Variants in CA10 observed in about 807,000 individuals in gnomAD.
CA10 encodes carbonic anhydrase-related protein 10.
CA10 carries 14 observed loss-of-function variants against 44.2 expected under a neutral mutation model. The observed-to-expected ratio is 0.32, with a 90% CI of 0.21 to 0.50. The LOEUF (loss-of-function observed/expected upper bound fraction) is 0.50, where lower values mean the gene tolerates loss of function less well. Among genes scored for constraint, CA10 ranks in the 20% least tolerant of loss-of-function variants. CA10 has a pLI of 0.99. For missense variants in CA10, 350 were observed against 409.7 expected (o/e 0.85, Z 1.26); for synonymous variants, 159 against 141.6 (o/e 1.12, Z -0.87).
intron 2 of CA10, among the ~76,000 whole-genome samples, chr17:52,052,297 TTTAAAA>T (rs1987097536): frequency 1.8e-4 from 2 of 10,866 alleles, no homozygotes; most frequent in Admixed American, 1.7e-3. Flanking sequence ...GGCTTTTTTT[TTTAAAA>T]AAAAAAAAAA....
chr17:51,927,336 G>A (rs1454889428), intron 3 of CA10, among the ~76,000 whole-genome samples: 1 of 152,126 alleles, frequency 6.6e-6, no homozygotes, highest in African/African-American at 2.4e-5. Flanking sequence ...ACGGAACTGA[G>A]TTTTGGTTAA....
chr17:51,705,803 C>T (rs368486193), intron 4 of CA10, among the ~76,000 whole-genome samples: 14 of 151,916 alleles, frequency 9.2e-5, no homozygotes, highest in African/African-American at 1.2e-4. Flanking sequence ...GAGCTGCTGA[C>T]GGAGGGTAGA....
rs931128658 is a variant in CA10, at chr17:51,886,228, T to C, written c.279+44762A>G. 3.9e-5 allele frequency among the ~76,000 whole-genome samples: 6 copies of C among 152,236 alleles called. No homozygotes were observed. In the East Asian group the frequency reaches 1.2e-3, roughly 29 times the overall value. On this transcript the variant is annotated intron_variant, in intron 3 of 8. Coordinates refer to ENST00000451037, the MANE Select transcript of CA10 (RefSeq NM_020178.5). ...TGAGCATTGTGGGTGAATGTGGCAG[T>C]GTAGTCTTAGATATAGATGAGAAGG...
intron 3 of CA10, among the ~76,000 whole-genome samples, chr17:51,908,374 T>C (rs2040218772): frequency 6.6e-6 from 1 of 152,200 alleles, no homozygotes; most frequent in Admixed American, 6.5e-5. Context: ...TGCATTTCCG[T>C]AGGCCTCTCT....
At chr17:51,998,634 A>C (rs747632514) in intron 2 of CA10, among the ~76,000 whole-genome samples, 2 of 151,960 alleles carry the variant, frequency 1.3e-5, no homozygotes, top group Non-Finnish European at 2.9e-5. Context: ...CAACTTATTT[A>C]TATTTATTTG....
At chr17:51,798,498 A>C (rs73354974) in intron 3 of CA10, among the ~76,000 whole-genome samples, 17,524 of 152,186 alleles carry the variant, frequency 0.12, 1,366 homozygotes, top group African/African-American at 0.23. Flanking sequence ...AACACACACA[A>C]AAAAAATACA....
intron 7 of CA10, among the ~76,000 whole-genome samples, chr17:51,633,896 C>A (rs114448422): frequency 6.6e-6 from 1 of 152,154 alleles, no homozygotes; most frequent in African/African-American, 2.4e-5. Context: ...AAGTCACTTG[C>A]GCTCTCTCAC....
chr17:51,814,796 T>A (rs1034648851), intron 3 of CA10, among the ~76,000 whole-genome samples: 4 of 152,202 alleles, frequency 2.6e-5, no homozygotes, highest in African/African-American at 9.7e-5. Flanking sequence ...GTTTCCTAGC[T>A]GTTTTTGCTC....
At chr17:51,697,620 C>T (rs1192603109) in intron 4 of CA10, among the ~76,000 whole-genome samples, 1 of 152,214 alleles carries the variant, frequency 6.6e-6, no homozygotes, top group Non-Finnish European at 1.5e-5. Flanking sequence ...TAATTAGTAT[C>T]TATCTCCAAC....
At chr17:51,930,571 G>GT (rs908323124) in intron 3 of CA10, among the ~76,000 whole-genome samples, 1 of 148,356 alleles carries the variant, frequency 6.7e-6, no homozygotes, top group African/African-American at 2.5e-5. Flanking sequence ...ATTTTTGTCT[G>GT]TTTTTTTCCT....
At chr17:51,669,287 G>C (rs551441394) in intron 4 of CA10, among the ~76,000 whole-genome samples, 1 of 152,300 alleles carries the variant, frequency 6.6e-6, no homozygotes, top group South Asian at 2.1e-4. Context: ...TCTAGCTTGG[G>C]GTTTGTGGAT....
At chr17:51,949,722 G>A (rs1292366271) in intron 2 of CA10, among the ~76,000 whole-genome samples, 1 of 152,144 alleles carries the variant, frequency 6.6e-6, no homozygotes, top group East Asian at 1.9e-4. Context: ...ATGTTGAGCA[G>A]GAACTACAGA....
At chr17:52,012,785 T>G (rs1188986298) in intron 2 of CA10, among the ~76,000 whole-genome samples, 1 of 151,508 alleles carries the variant, frequency 6.6e-6, no homozygotes, top group African/African-American at 2.4e-5. Flanking sequence ...TGGAGAATGA[T>G]AAGTTTGAAC....
chr17:52,103,588 T>C (rs1355198277), intron 1 of CA10, among the ~76,000 whole-genome samples: 1 of 152,152 alleles, frequency 6.6e-6, no homozygotes, highest in Non-Finnish European at 1.5e-5. Context: ...ACTCAACATT[T>C]GCTAGCTTCC....
chr17:51,797,850 CAAAAAAA>C (rs58344941), intron 3 of CA10, among the ~76,000 whole-genome samples: 5 of 73,772 alleles, frequency 6.8e-5, no homozygotes, highest in Non-Finnish European at 1.2e-4. Context: ...GGCTCCATCT[CAAAAAAA>C]AAAAAAAAAA....
At chr17:51,973,359 G>C (rs1848508673) in intron 2 of CA10, among the ~76,000 whole-genome samples, 1 of 152,186 alleles carries the variant, frequency 6.6e-6, no homozygotes, top group Admixed American at 6.5e-5. Context: ...TGAGGGGCAG[G>C]AATCTTTCAG....
chr17:51,942,326 C>T (rs971291841), intron 2 of CA10, among the ~76,000 whole-genome samples: 8 of 152,108 alleles, frequency 5.3e-5, no homozygotes, highest in Non-Finnish European at 7.4e-5. Flanking sequence ...AAAGATGGAA[C>T]GAAACCACAT....
chr17:51,916,430 A>T (rs1223241308), intron 3 of CA10, among the ~76,000 whole-genome samples: 1 of 152,200 alleles, frequency 6.6e-6, no homozygotes, highest in Non-Finnish European at 1.5e-5. Flanking sequence ...CCCATGTGTC[A>T]TGAGACGGAT....
intron 2 of CA10, among the ~76,000 whole-genome samples, chr17:51,965,461 A>T (rs149395347): frequency 7.2e-4 from 109 of 152,086 alleles, no homozygotes; most frequent in African/African-American, 2.4e-3. Flanking sequence ...AATCCTTAAC[A>T]AAATACTAGC....
Sources: allele counts gnomAD v4.1 joint callset (sites outside exome capture counted in the v4.1 genomes callset), GRCh38; gene constraint gnomAD v4.1.1; transcripts MANE v1.5; gene names NCBI Gene and HGNC (gene_info 2026-07-23, HGNC 2026-07-21).